COG5: variants seen among roughly 807,000 people sequenced by gnomAD.
COG5 encodes component of oligomeric golgi complex 5.
In COG5, 86 loss-of-function variants were observed where a neutral mutation model predicts 110.4. That is an observed-to-expected ratio of 0.78 (90% CI 0.65 to 0.93). The LOEUF (loss-of-function observed/expected upper bound fraction) is 0.93. Among genes scored for constraint, COG5 ranks in the 40% least tolerant of loss-of-function variants. COG5 has a pLI of 0.00. For synonymous variants in COG5, 360 were observed against 334.6 expected (o/e 1.08, Z -0.83); for missense variants, 1,077 against 987.0 (o/e 1.09, Z -1.22).
At chr7:107,432,622 C>T (rs1407787564) in intron 6 of COG5, among the ~76,000 whole-genome samples, 1 of 152,066 alleles carries the variant, frequency 6.6e-6, no homozygotes, top group African/African-American at 2.4e-5. Flanking sequence ...ATAAGAAAAG[C>T]TGCCTCTACA....
intron 12 of COG5, among the ~76,000 whole-genome samples, chr7:107,287,746 CTGTGTATG>C (rs1805764585): frequency 6.6e-6 from 1 of 152,124 alleles, no homozygotes; most frequent in Non-Finnish European, 1.5e-5. Flanking sequence ...CTGTGTGTAT[CTGTGTATG>C]TGTGTGTTTT....
At chr7:107,305,637 G>A (rs553872655) in intron 11 of COG5, among the ~76,000 whole-genome samples, 1 of 152,156 alleles carries the variant, frequency 6.6e-6, no homozygotes, top group East Asian at 1.9e-4. Context: ...AACCATGGGT[G>A]GAGTCTCATC....
intron 10 of COG5, among the ~76,000 whole-genome samples, chr7:107,339,828 G>A (rs1431870529): frequency 6.6e-6 from 1 of 151,920 alleles, no homozygotes; most frequent in African/African-American, 2.4e-5. Context: ...AATGAAAAGA[G>A]ATAACATACC....
At chr7:107,284,994 T>C (rs898511892) in intron 12 of COG5, among the ~76,000 whole-genome samples, 5 of 152,214 alleles carry the variant, frequency 3.3e-5, no homozygotes, top group Non-Finnish European at 7.3e-5. Flanking sequence ...TCCACTGATA[T>C]GACCTAGAGA....
intron 6 of COG5, among the ~76,000 whole-genome samples, chr7:107,504,868 G>A (rs1244501131): frequency 2.6e-5 from 4 of 152,002 alleles, no homozygotes; most frequent in Non-Finnish European, 5.9e-5. Context: ...TTCTAATTGA[G>A]CTTATTTGAA....
intron 10 of COG5, among the ~76,000 whole-genome samples, chr7:107,340,681 C>T (rs1811102816): frequency 6.6e-6 from 1 of 152,150 alleles, no homozygotes; most frequent in African/African-American, 2.4e-5. Flanking sequence ...AGTTAATTCA[C>T]CATGATCGAG....
intron 6 of COG5, among the ~76,000 whole-genome samples, chr7:107,421,473 T>G (rs1264289975): frequency 6.6e-6 from 1 of 152,140 alleles, no homozygotes; most frequent in Non-Finnish European, 1.5e-5. Flanking sequence ...ACCTTATAAA[T>G]GTAAAAGAAT....
At chr7:107,225,724 G>C (rs1189512881) in intron 19 of COG5, among the ~76,000 whole-genome samples, 1 of 152,136 alleles carries the variant, frequency 6.6e-6, no homozygotes, top group African/African-American at 2.4e-5. Context: ...TGTTGCTGAG[G>C]CTAGTAGATG....
intron 7 of COG5, among the ~76,000 whole-genome samples, chr7:107,403,456 G>C (rs895415313): frequency 4.0e-5 from 6 of 150,974 alleles, no homozygotes; most frequent in Non-Finnish European, 8.8e-5. Flanking sequence ...TGTTATATAG[G>C]TATACACGTG....
At chr7:107,261,902 T>C (rs868788955) in intron 14 of COG5, among the ~76,000 whole-genome samples, 38 of 152,188 alleles carry the variant, frequency 2.5e-4, no homozygotes, top group African/African-American at 8.4e-4. Flanking sequence ...TTGATTTTTT[T>C]TTTTTTTTTA....
intron 6 of COG5, among the ~76,000 whole-genome samples, chr7:107,459,013 A>G (rs1795831289): frequency 6.6e-6 from 1 of 151,918 alleles, no homozygotes; most frequent in Admixed American, 6.6e-5. Context: ...AAAATTACTC[A>G]ATCCAAAAAA....
At chr7:107,336,710 T>C (rs946111933) in intron 10 of COG5, among the ~76,000 whole-genome samples, 16 of 152,120 alleles carry the variant, frequency 1.1e-4, no homozygotes, top group Non-Finnish European at 2.2e-4. Context: ...ACAACATTCC[T>C]CAATTAAAGT....
intron 17 of COG5, among the ~76,000 whole-genome samples, chr7:107,243,947 A>T (rs1185564729): frequency 6.6e-6 from 1 of 152,164 alleles, no homozygotes; most frequent in Non-Finnish European, 1.5e-5. Context: ...ATTAAGGCAG[A>T]AGTCAAGAAG....
chr7:107,215,101 A>G lies in COG5; in HGVS notation c.2169-3876T>C, dbSNP rs187265339. Among the ~76,000 whole-genome samples the G allele has an allele frequency of 1.8e-3, 272 of 152,288 alleles. 2 individuals are homozygous for G. The highest frequency in any genetic ancestry group is 2.7e-3 in the Non-Finnish European group (185 of 68,024). On this transcript the variant is annotated intron_variant, in intron 19 of 21. Coordinates refer to ENST00000297135, the MANE Select transcript of COG5 (RefSeq NM_006348.5). ...CAGCTTGAAATACCCTGTTATGAGT[A>G]TATGGTTTTTGGAAGCCTCATGGTA...
intron 19 of COG5, among the ~76,000 whole-genome samples, chr7:107,214,954 A>G (rs922419112): frequency 1.3e-5 from 2 of 152,066 alleles, no homozygotes; most frequent in African/African-American, 2.4e-5. Flanking sequence ...AAACAAAAGT[A>G]TAGCCCAAAT....
At chr7:107,507,592 G>A (rs887139041) in intron 6 of COG5, among the ~76,000 whole-genome samples, 7 of 150,464 alleles carry the variant, frequency 4.7e-5, no homozygotes, top group East Asian at 2.0e-4. Flanking sequence ...AGGCATGAAC[G>A]ACCACACCCG....
At chr7:107,455,978 T>C (rs1396292880) in intron 6 of COG5, among the ~76,000 whole-genome samples, 18 of 151,952 alleles carry the variant, frequency 1.2e-4, no homozygotes, top group Admixed American at 9.2e-4. Context: ...TTTTATTTTT[T>C]AGTAGAGACA....
chr7:107,508,715 G>A (rs962543929), intron 6 of COG5, among the ~76,000 whole-genome samples: 16 of 152,202 alleles, frequency 1.1e-4, no homozygotes, highest in South Asian at 8.3e-4. Context: ...CAGCATTTGC[G>A]GTTCACCAAC....
chr7:107,432,373 C>T (rs1794083128), intron 6 of COG5, among the ~76,000 whole-genome samples: 2 of 151,980 alleles, frequency 1.3e-5, no homozygotes, highest in African/African-American at 4.8e-5. Context: ...ATAAAATATG[C>T]CAGGCTGCAA....
Sources: gnomAD v4.1 joint callset for allele counts (sites outside exome capture counted in the v4.1 genomes callset) on GRCh38, gnomAD v4.1.1 for gene constraint, MANE v1.5 for transcripts, NCBI Gene and HGNC (gene_info 2026-07-23, HGNC 2026-07-21) for gene names.